ATXN3: variants seen among roughly 807,000 people sequenced by gnomAD.
ATXN3 encodes the protein ataxin 3.
A neutral mutation model predicts 58.2 loss-of-function variants in ATXN3; 28 were observed. That is an observed-to-expected ratio of 0.48 (90% CI 0.36 to 0.66). The LOEUF (loss-of-function observed/expected upper bound fraction) is 0.66. ATXN3 is among the 30% of genes least tolerant of loss of function. The pLI is 0.00. For missense variants in ATXN3, 321 were observed against 422.1 expected (o/e 0.76, Z 2.10); for synonymous variants, 113 against 138.5 (o/e 0.82, Z 1.29).
At chr14:92,100,506 A>T (rs2066526409) in intron 1 of ATXN3, among the ~76,000 whole-genome samples, 1 of 152,126 alleles carries the variant, frequency 6.6e-6, no homozygotes, top group African/African-American at 2.4e-5. Context: ...CTAGATAACA[A>T]TGAGGATGAA....
intron 3 of ATXN3, 151 bp from the exon 4 acceptor site, chr14:92,093,982 C>T (rs561982469): frequency 4.0e-5 from 21 of 527,188 alleles, no homozygotes; most frequent in Middle Eastern, 4.9e-4. Flanking sequence ...CTTGCTCTGT[C>T]GCCCAGGCTG....
In ATXN3 at chr14:92,082,408, C is replaced by T; in HGVS notation, c.667G>A (p.Asp223Asn). 1 of 1,614,170 alleles carries T rather than the reference C, an allele frequency of 6.2e-7. No individual in the cohort carries two copies. The highest frequency in any genetic ancestry group is 2.2e-5 in the East Asian group (1 of 44,880). The change falls in exon 8 of 11, where the codon GAC becomes AAC. Residue 223 changes from aspartate to asparagine, a missense_variant. By Grantham distance (23) the Asp-to-Asn change is conservative. Around this residue, in one of 2 missense-constraint regions of ATXN3, gnomAD observed 200 missense variants for 223.2 expected, o/e 0.90. Coordinates refer to ENST00000644486, the MANE Select transcript of ATXN3 (RefSeq NM_004993.6). ...CTCTGCAAATCCTCCTCATCTTCGT[C>T]TAACATTCCTGAGCCATCATTTGCT... ...LEANDGSGML[D>N]EDEEDLQRAL...
rs890524785 is a variant in ATXN3, at chr14:92,099,163, A to G, written c.25-2325T>C. Among the ~76,000 whole-genome samples the G allele has an allele frequency of 2.0e-5, 3 of 152,142 alleles. No homozygotes were observed. The East Asian group carries it at 5.8e-4, about 29-fold the overall frequency. On this transcript the variant is annotated intron_variant, in intron 1 of 10. Coordinates refer to ENST00000644486, the MANE Select transcript of ATXN3 (RefSeq NM_004993.6). ...GCCCTCCAAGTTCTCTCTTTCCCCA[A>G]TAAGGTCTATTCCTTAACCCAACCT... is the stretch of plus-strand genomic sequence containing the variant.
At chr14:92,079,484 GA>G (rs1168810831) in intron 9 of ATXN3, 238 of 965,676 alleles carry the variant, frequency 2.5e-4, no homozygotes, top group Non-Finnish European at 2.8e-4. Context: ...AAACAAAACA[GA>G]AAAAAAGGTA....
intron 9 of ATXN3, among the ~76,000 whole-genome samples, chr14:92,072,949 T>C (rs750174606): frequency 6.6e-6 from 1 of 152,208 alleles, no homozygotes; most frequent in Non-Finnish European, 1.5e-5. Context: ...AATACTGACC[T>C]GTGTGTAGGT....
chr14:92,056,279 G>A (rs56062950), downstream of ATXN3, among the ~76,000 whole-genome samples: 11,691 of 152,112 alleles, frequency 0.077, 589 homozygotes, highest in Admixed American at 0.14. Context: ...GTACCTGTCT[G>A]GTATTCAAGA....
chr14:92,057,157 T>G (rs2057475893), downstream of ATXN3, among the ~76,000 whole-genome samples: 1 of 152,134 alleles, frequency 6.6e-6, no homozygotes, highest in African/African-American at 2.4e-5. Flanking sequence ...CCAGGCGAGG[T>G]GGCTCATCCC....
downstream of ATXN3, among the ~76,000 whole-genome samples, chr14:92,055,648 T>C (rs1332143279): frequency 6.6e-6 from 1 of 152,208 alleles, no homozygotes; most frequent in East Asian, 1.9e-4. The surrounding 1 kb of genome is among the most constrained non-coding windows in gnomAD (Gnocchi z 4.5). Context: ...CTGGAAGATG[T>C]GTGAGACGGT....
At chr14:92,049,706 T>C in exon 1 of ATXN3, 1 of 160,774 alleles carries the variant, frequency 6.2e-6, no homozygotes, top group Non-Finnish European at 1.3e-5. Context: ...GGGACCCGTC[T>C]CCTGAAGGAG....
chr14:92,068,933 TAAAC>T lies in ATXN3; in HGVS notation c.991+1998_991+2001del, dbSNP rs555152381. Among the ~76,000 whole-genome samples the T allele has an allele frequency of 1.5e-3, 229 of 152,298 alleles. 1 individual carries two copies. Among genetic ancestry groups the T allele is most frequent in the African/African-American group, 5.3e-3 (222 of 41,574 alleles). On this transcript the variant is annotated intron_variant, in intron 10 of 10. Coordinates refer to ENST00000644486, the MANE Select transcript of ATXN3 (RefSeq NM_004993.6). ...AATGTTGAGGTGTTTTGGCTGTACT[TAAAC>T]AGGAGGAATAGAAAAAAGTACCAGT...
rs1022794930 is a variant in ATXN3, at chr14:92,081,213, T to G, written c.776-152A>C. 6 of 551,936 alleles carry G rather than the reference T, an allele frequency of 1.1e-5. No homozygotes were observed. The East Asian group carries it at 2.1e-4, about 19-fold the overall frequency. 34.2% of individuals were successfully genotyped at this position (551,936 alleles called of 1,614,324 possible). A position where few individuals can be genotyped will look rare whatever the true frequency, so the allele number is the denominator to read the frequency against. On this transcript the variant is annotated intron_variant, in intron 8 of 10. Coordinates refer to ENST00000644486, the MANE Select transcript of ATXN3 (RefSeq NM_004993.6). ...CTGGCTGGGCGTGGTGGCTCACACA[T>G]GTAATCCCAGCACTTTGGGAGGCCA...
chr14:92,064,957 A>C (rs2058114218), intron 10 of ATXN3, among the ~76,000 whole-genome samples: 1 of 152,204 alleles, frequency 6.6e-6, no homozygotes, highest in Non-Finnish European at 1.5e-5. Context: ...GATCAAACTA[A>C]AACCTAGATA....
intron 1 of ATXN3, among the ~76,000 whole-genome samples, chr14:92,101,954 A>G (rs567245946): frequency 6.6e-6 from 1 of 152,202 alleles, no homozygotes; most frequent in East Asian, 1.9e-4. Flanking sequence ...AGAGATCAAG[A>G]CCATCCTGGC....
At chr14:92,057,608 GC>G (rs1448461259), downstream of ATXN3, among the ~76,000 whole-genome samples, 3 of 152,080 alleles carry the variant, frequency 2.0e-5, no homozygotes, top group East Asian at 3.9e-4. Context: ...TCTGGATCGG[GC>G]CCCGGTCCTG....
chr14:92,075,156 G>GTTTTTTTTT (rs376552690), intron 9 of ATXN3, among the ~76,000 whole-genome samples: 2 of 111,356 alleles, frequency 1.8e-5, no homozygotes, highest in Non-Finnish European at 3.6e-5. Context: ...GTAATAGGGA[G>GTTTTTTTTT]TTTTTTTTTT....
chr14:92,104,922 CAAAA>C (rs11308589), intron 1 of ATXN3, among the ~76,000 whole-genome samples: 19 of 124,756 alleles, frequency 1.5e-4, no homozygotes, highest in Admixed American at 3.2e-4. Flanking sequence ...AACTCCATCT[CAAAA>C]AAAAAAAAAA....
intron 1 of ATXN3, 129 bp downstream of exon 1, chr14:92,106,400 C>A (rs929928218): frequency 3.4e-6 from 4 of 1,192,268 alleles, no homozygotes; most frequent in Non-Finnish European, 4.8e-6. Context: ...GCTGCGGCGT[C>A]GCCCCTCGCC....
chr14:92,093,161 G>T, intron 5 of ATXN3, 91 bp downstream of exon 5: 1 of 824,418 alleles, frequency 1.2e-6, no homozygotes, highest in Non-Finnish European at 1.9e-6. Context: ...CTCCCAAACT[G>T]TTGGCATGAG....
chr14:92,057,079 A>C (rs1351377615), downstream of ATXN3, among the ~76,000 whole-genome samples: 2 of 152,224 alleles, frequency 1.3e-5, no homozygotes, highest in East Asian at 3.9e-4. Context: ...AAGTTACCCT[A>C]AATGGTCTAA....
Sources: gnomAD v4.1 joint callset for allele counts (sites outside exome capture counted in the v4.1 genomes callset) on GRCh38, gnomAD v4.1.1 for gene constraint, gnomAD v4.1.1 regional missense constraint, Gnocchi (gnomAD v3.1) non-coding constraint, MANE v1.5 for transcripts, NCBI Gene and HGNC (gene_info 2026-07-23, HGNC 2026-07-21) for gene names.